COMMD10: variants seen among roughly 807,000 people sequenced by gnomAD.
The protein encoded by COMMD10 is COMM domain containing 10.
A neutral mutation model predicts 28.9 loss-of-function variants in COMMD10; 33 were observed. That is an observed-to-expected ratio of 1.14 (90% CI 0.87 to 1.53). The LOEUF (loss-of-function observed/expected upper bound fraction) is 1.53, where lower values mean the gene tolerates loss of function less well. Ranked by LOEUF, COMMD10 falls within the 40% of genes most tolerant of loss-of-function variation. The probability of loss-of-function intolerance (pLI) is 0.00; values close to 1 mark genes in which losing one functional copy is unlikely to be tolerated. For synonymous variants in COMMD10, 110 were observed against 81.7 expected, an observed-to-expected ratio of 1.35 and a Z score of -1.87; for missense variants, 310 against 233.4, an observed-to-expected ratio of 1.33 and a Z score of -2.14.
chr5:116,181,442 G>A (rs72804868), intron 5 of COMMD10, among the ~76,000 whole-genome samples: 1 of 149,508 alleles, frequency 6.7e-6, no homozygotes, highest in Non-Finnish European at 1.5e-5. Flanking sequence ...TTTACATCTA[G>A]TATGAAAGAA....
At chr5:116,175,747 T>G (rs557055660) in intron 5 of COMMD10, among the ~76,000 whole-genome samples, 4 of 152,266 alleles carry the variant, frequency 2.6e-5, no homozygotes, top group African/African-American at 9.6e-5. Flanking sequence ...TTGAAGACAT[T>G]CAGCTAAGTA....
chr5:116,205,884 T>C (rs753895262), intron 5 of COMMD10, among the ~76,000 whole-genome samples: 2 of 152,200 alleles, frequency 1.3e-5, no homozygotes, highest in Admixed American at 6.5e-5. Context: ...ATATTTGCTT[T>C]ACATTATTCT....
intron 5 of COMMD10, among the ~76,000 whole-genome samples, chr5:116,145,856 C>T (rs939037929): frequency 1.3e-5 from 2 of 151,908 alleles, no homozygotes; most frequent in Non-Finnish European, 2.9e-5. Flanking sequence ...TCCTCTTCGC[C>T]TTCTGCCATG....
At chr5:116,103,443 G>A (rs1361992738) in intron 4 of COMMD10, among the ~76,000 whole-genome samples, 1 of 152,074 alleles carries the variant, frequency 6.6e-6, no homozygotes, top group Non-Finnish European at 1.5e-5. Flanking sequence ...TTTTTCATGT[G>A]TTTTTGGCTG....
intron 4 of COMMD10, among the ~76,000 whole-genome samples, chr5:116,123,596 G>A (rs1221235955): frequency 1.3e-5 from 2 of 152,100 alleles, no homozygotes; most frequent in African/African-American, 4.8e-5. Flanking sequence ...AATGAGTTAG[G>A]GAGGATTCCC....
intron 5 of COMMD10, among the ~76,000 whole-genome samples, chr5:116,192,675 C>T (rs1748400458): frequency 2.6e-5 from 4 of 152,018 alleles, no homozygotes; most frequent in East Asian, 3.9e-4. Context: ...TTATGTTAAA[C>T]AACAAACCTA....
At chr5:116,223,855 C>A (rs1749325455) in intron 5 of COMMD10, among the ~76,000 whole-genome samples, 4 of 152,176 alleles carry the variant, frequency 2.6e-5, no homozygotes, top group Admixed American at 2.6e-4. Flanking sequence ...AGGCACTCAA[C>A]ATAGCCTTAA....
chr5:116,102,649 T>C (rs1212067615), intron 4 of COMMD10, among the ~76,000 whole-genome samples: 2 of 152,186 alleles, frequency 1.3e-5, no homozygotes, highest in African/African-American at 4.8e-5. Flanking sequence ...CTTTGGGCAG[T>C]ATAGTCATTT....
chr5:116,241,583 C>CTTATTTAT (rs61328599), intron 5 of COMMD10, among the ~76,000 whole-genome samples: 23,057 of 140,308 alleles, frequency 0.16, 2,104 homozygotes, highest in Non-Finnish European at 0.18. Context: ...ACTCTGCTTT[C>CTTATTTAT]TTATTTATTT....
chr5:116,241,463 A>C (rs1749804320), intron 5 of COMMD10, among the ~76,000 whole-genome samples: 1 of 152,156 alleles, frequency 6.6e-6, no homozygotes, highest in Non-Finnish European at 1.5e-5. Context: ...TTACTGACAC[A>C]ACCTTTACTA....
intron 5 of COMMD10, among the ~76,000 whole-genome samples, chr5:116,279,413 T>C (rs1179629417): frequency 6.6e-6 from 1 of 152,048 alleles, no homozygotes; most frequent in East Asian, 1.9e-4. Flanking sequence ...TTTGTTGCAG[T>C]TGTCCTTTTG....
intron 5 of COMMD10, among the ~76,000 whole-genome samples, chr5:116,286,645 A>T (rs1751227019): frequency 6.6e-6 from 1 of 151,608 alleles, no homozygotes; most frequent in South Asian, 2.1e-4. Context: ...GAATGTGTTT[A>T]ATTTCCACGT....
intron 4 of COMMD10, among the ~76,000 whole-genome samples, chr5:116,128,588 G>A (rs896676067): frequency 6.6e-6 from 1 of 151,914 alleles, no homozygotes; most frequent in Non-Finnish European, 1.5e-5. Context: ...AAATATTGGT[G>A]ATTGTCTTAT....
chr5:116,108,426 AGTGG>A (rs1750916035), intron 4 of COMMD10, among the ~76,000 whole-genome samples: 1 of 151,856 alleles, frequency 6.6e-6, no homozygotes, highest in African/African-American at 2.4e-5. Context: ...TTTGAGCTGC[AGTGG>A]CTTTTTGAGC....
chr5:116,177,034 A>G (rs978129605), intron 5 of COMMD10, among the ~76,000 whole-genome samples: 1 of 152,128 alleles, frequency 6.6e-6, no homozygotes, highest in Non-Finnish European at 1.5e-5. Context: ...CAAGCAGGAA[A>G]CAATCTTTTG....
At chr5:116,208,546 C>T (rs759344941) in intron 5 of COMMD10, among the ~76,000 whole-genome samples, 1 of 152,082 alleles carries the variant, frequency 6.6e-6, no homozygotes, top group East Asian at 1.9e-4. Flanking sequence ...ATTTTAAGTT[C>T]TTAGAAGGAT....
intron 5 of COMMD10, among the ~76,000 whole-genome samples, chr5:116,277,760 C>T (rs539009715): frequency 6.6e-6 from 1 of 151,974 alleles, no homozygotes; most frequent in African/African-American, 2.4e-5. Flanking sequence ...GTTCTCTTTT[C>T]CTTGAAGACT....
At chr5:116,170,518 G>T (rs868246037) in intron 5 of COMMD10, among the ~76,000 whole-genome samples, 1 of 152,040 alleles carries the variant, frequency 6.6e-6, no homozygotes, top group African/African-American at 2.4e-5. Flanking sequence ...AAAAGAACCC[G>T]TATAGCCAAG....
intron 5 of COMMD10, among the ~76,000 whole-genome samples, chr5:116,176,596 A>G (rs1753521714): frequency 6.6e-6 from 1 of 152,162 alleles, no homozygotes; most frequent in African/African-American, 2.4e-5. Flanking sequence ...TTTCTCATGT[A>G]TATAAAATTC....
Sources: allele counts gnomAD v4.1 joint callset (sites outside exome capture counted in the v4.1 genomes callset), GRCh38; gene constraint gnomAD v4.1.1; transcripts MANE v1.5; gene names NCBI Gene and HGNC (gene_info 2026-07-23, HGNC 2026-07-21).